CDYL: variants seen among roughly 807,000 people sequenced by gnomAD.
The protein encoded by CDYL is chromodomain Y like.
CDYL carries 8 observed loss-of-function variants against 47.3 expected under a neutral mutation model. That is an observed-to-expected ratio of 0.17 (90% CI 0.10 to 0.31). The LOEUF is 0.31. Among genes scored for constraint, CDYL ranks in the 10% least tolerant of loss-of-function variants. The pLI is 1.00. For synonymous variants in CDYL, 266 were observed against 265.0 expected (o/e 1.00, Z -0.04); for missense variants, 471 against 701.4 (o/e 0.67, Z 3.71).
At chr6:4,839,487 CTT>C (rs1760424732) in intron 1 of CDYL, among the ~76,000 whole-genome samples, 1 of 152,134 alleles carries the variant, frequency 6.6e-6, no homozygotes, top group South Asian at 2.1e-4. Context: ...GTCATGAAGT[CTT>C]TGTGTAAGCC....
At chr6:4,782,813 T>C (rs577524924) in intron 1 of CDYL, among the ~76,000 whole-genome samples, 1 of 152,304 alleles carries the variant, frequency 6.6e-6, no homozygotes, top group African/African-American at 2.4e-5. Context: ...CGGACCACTT[T>C]GACATTATTT....
chr6:4,747,143 T>C (rs1193913296), intron 3 of CDYL, among the ~76,000 whole-genome samples: 1 of 151,872 alleles, frequency 6.6e-6, no homozygotes, highest in African/African-American at 2.4e-5. Context: ...CCTGTCTCTA[T>C]TGAAAATCCA....
intron 1 of CDYL, among the ~76,000 whole-genome samples, chr6:4,843,177 G>A (rs1414260403): frequency 6.6e-6 from 1 of 152,162 alleles, no homozygotes; most frequent in Non-Finnish European, 1.5e-5. Flanking sequence ...TTTCTGCTGA[G>A]AAATCTGCTG....
At chr6:4,899,289 G>A (rs1361021428) in intron 2 of CDYL, among the ~76,000 whole-genome samples, 1 of 152,170 alleles carries the variant, frequency 6.6e-6, no homozygotes, top group African/African-American at 2.4e-5. Context: ...GAATTACAGT[G>A]GTGAAAGACA....
chr6:4,914,777 G>T (rs979971870), intron 2 of CDYL, among the ~76,000 whole-genome samples: 2 of 152,208 alleles, frequency 1.3e-5, no homozygotes, highest in Admixed American at 1.3e-4. Context: ...TTAGAACGGG[G>T]CCCACACATG....
At chr6:4,810,661 G>A (rs1329782237) in intron 1 of CDYL, among the ~76,000 whole-genome samples, 1 of 152,168 alleles carries the variant, frequency 6.6e-6, no homozygotes, top group Non-Finnish European at 1.5e-5. Flanking sequence ...TAACATAAAT[G>A]TATGCTCATA....
chr6:4,788,986 G>A (rs1026202454), intron 1 of CDYL, among the ~76,000 whole-genome samples: 6 of 152,078 alleles, frequency 3.9e-5, no homozygotes, highest in Admixed American at 6.5e-5. Context: ...GCTACATGGC[G>A]GGCCAGGTGC....
chr6:4,781,142 G>A (rs1047602498), intron 1 of CDYL, among the ~76,000 whole-genome samples: 1 of 152,164 alleles, frequency 6.6e-6, no homozygotes, highest in East Asian at 1.9e-4. Flanking sequence ...ATCGTATCTG[G>A]TGTGTAAAAA....
intron 2 of CDYL, among the ~76,000 whole-genome samples, chr6:4,919,953 T>TGG (rs1757665114): frequency 6.6e-6 from 1 of 151,858 alleles, no homozygotes; most frequent in East Asian, 1.9e-4. Flanking sequence ...GCAACCCAAG[T>TGG]GTCTATCATC....
chr6:4,834,104 G>A (rs1213105229), intron 1 of CDYL, among the ~76,000 whole-genome samples: 31 of 151,326 alleles, frequency 2.0e-4, no homozygotes, highest in South Asian at 2.1e-4. Context: ...GTGTGAATTT[G>A]ATCCTGTCAT....
intron 2 of CDYL, among the ~76,000 whole-genome samples, chr6:4,721,694 G>A (rs1053587623): frequency 3.3e-5 from 5 of 151,726 alleles, no homozygotes; most frequent in Non-Finnish European, 1.5e-5. Flanking sequence ...AACTTCCTAA[G>A]AAACACTTAC....
At chr6:4,935,860 T>TC in intron 3 of CDYL, 89 bp downstream of exon 3, 1 of 1,569,064 alleles carries the variant, frequency 6.4e-7, no homozygotes, top group Non-Finnish European at 8.6e-7. Flanking sequence ...CTTCCTGTGC[T>TC]CTTTCTAAAC....
rs532859943 is a variant in CDYL, at chr6:4,725,250, A to G, written c.103+9369A>G. On this transcript the variant is annotated intron_variant, in intron 2 of 8. Transcript: ENST00000328908. ...TCTCCAAGTCCCCACCAGAATCAGG[A>G]GCCCAGCTGGCTTTACACAGTGGAT... 2.6e-5 allele frequency among the ~76,000 whole-genome samples: 4 copies of G among 152,364 alleles called. No homozygotes were observed. In the South Asian group the frequency reaches 8.3e-4, roughly 32 times the overall value.
At position 4,937,522 on chromosome 6, in the gene CDYL, A is replaced by G. The variant is rs771993116; in HGVS notation, c.949-43A>G. 2.3e-5 allele frequency: 33 copies of G among 1,463,822 alleles called. No homozygotes were observed. In the East Asian group the frequency reaches 7.9e-4, roughly 35 times the overall value. The allele number at this position is 1,463,822 out of a possible 1,614,324, so 90.7% of individuals were successfully genotyped here. A position where few individuals can be genotyped will look rare whatever the true frequency, so the allele number is the denominator to read the frequency against. ...AAAAAAAAATGCTTTAAGATTTTAA[A>G]CCCAAAATATTCTTTGCCACTTTAA... On this transcript the variant is annotated intron_variant, in intron 3 of 6. Transcript: ENST00000397588.
chr6:4,713,512 A>G (rs761910371), intron 1 of CDYL, among the ~76,000 whole-genome samples: 15 of 152,194 alleles, frequency 9.9e-5, no homozygotes, highest in East Asian at 1.9e-4. Flanking sequence ...TTTGAATTTC[A>G]TACAATCAAG....
intron 2 of CDYL, among the ~76,000 whole-genome samples, chr6:4,922,726 G>A (rs1475492410): frequency 6.6e-6 from 1 of 152,168 alleles, no homozygotes; most frequent in African/African-American, 2.4e-5. Flanking sequence ...TGTTACTGCT[G>A]CTGCAATCTC....
rs533422171 is a variant in CDYL at position 4,920,773 on chromosome 6, A to G, written c.692-14742A>G. ...TGGGATTACAGTCACGCGCCACCAC[A>G]TGCAGCTAATTTTTGCATTTTTAGC... On this transcript the variant is annotated intron_variant, in intron 2 of 6. Coordinates refer to ENST00000397588, the MANE Select transcript of CDYL (RefSeq NM_004824.4). Among the ~76,000 whole-genome samples the G allele has an allele frequency of 7.3e-4, 111 of 152,250 alleles. 1 individual carries two copies. The highest frequency in any genetic ancestry group is 2.6e-3 in the African/African-American group (106 of 41,534).
At chr6:4,801,714 C>G (rs1759230722) in intron 1 of CDYL, among the ~76,000 whole-genome samples, 1 of 152,106 alleles carries the variant, frequency 6.6e-6, no homozygotes, top group Admixed American at 6.5e-5. Flanking sequence ...TGTCTTTATT[C>G]TGGGGATTCC....
chr6:4,830,665 CAT>C (rs1042825596), intron 1 of CDYL, among the ~76,000 whole-genome samples: 47 of 152,000 alleles, frequency 3.1e-4, no homozygotes, highest in African/African-American at 1.0e-3. Flanking sequence ...AGGTTAGTGA[CAT>C]ATGTATACAT....
Sources: allele counts gnomAD v4.1 joint callset (sites outside exome capture counted in the v4.1 genomes callset), GRCh38; gene constraint gnomAD v4.1.1; transcripts MANE v1.5; gene names NCBI Gene and HGNC (gene_info 2026-07-23, HGNC 2026-07-21).